The following EYA3 variants were observed in gnomAD, a reference collection of about 807,000 sequenced individuals.
EYA3 encodes the protein EYA transcriptional coactivator and phosphatase 3.
In EYA3, 39 loss-of-function variants were observed where a neutral mutation model predicts 80.0. That is an observed-to-expected ratio of 0.49 (90% CI 0.38 to 0.64). The LOEUF is 0.64. Among genes scored for constraint, EYA3 ranks in the 30% least tolerant of loss-of-function variants. The pLI is 0.00. For missense variants in EYA3, 523 were observed against 676.1 expected (o/e 0.77, Z 2.51); for synonymous variants, 206 against 232.8 (o/e 0.88, Z 1.05).
intron 1 of EYA3, among the ~76,000 whole-genome samples, chr1:28,087,397 T>C (rs916259690): frequency 6.6e-6 from 1 of 152,168 alleles, no homozygotes; most frequent in Admixed American, 6.5e-5. Context: ...TACTTCTAAG[T>C]AATGTAATTC....
At chr1:27,981,104 C>G (rs764872627) in intron 16 of EYA3, among the ~76,000 whole-genome samples, 3 of 152,216 alleles carry the variant, frequency 2.0e-5, no homozygotes, top group Non-Finnish European at 4.4e-5. Flanking sequence ...TGAGAATTCT[C>G]TTTAATGTCC....
intron 16 of EYA3, among the ~76,000 whole-genome samples, chr1:27,979,125 C>T (rs111625560): frequency 0.012 from 1,813 of 152,296 alleles, 34 homozygotes; most frequent in African/African-American, 0.04. Context: ...CTTGGGGCCC[C>T]TGACTCCAAA....
intron 7 of EYA3, among the ~76,000 whole-genome samples, chr1:28,025,046 G>A (rs1482201360): frequency 2.6e-5 from 4 of 152,106 alleles, no homozygotes; most frequent in Non-Finnish European, 5.9e-5. Context: ...TAGTTATGCA[G>A]GGGGAAAGAA....
At chr1:28,059,715 A>ATT (rs1224157714) in intron 1 of EYA3, among the ~76,000 whole-genome samples, 2,062 of 113,532 alleles carry the variant, frequency 0.018, 36 homozygotes, top group Middle Eastern at 0.026. Context: ...CATTTGTTGG[A>ATT]TTTTTTTTTT....
At chr1:27,978,293 T>C in intron 17 of EYA3, 81 bp downstream of exon 17, 1 of 984,430 alleles carries the variant, frequency 1.0e-6, no homozygotes, top group South Asian at 1.5e-5. Context: ...CATAATAGAT[T>C]GCTAAGATTT....
At chr1:27,999,204 C>T (rs888439144) in intron 12 of EYA3, among the ~76,000 whole-genome samples, 1 of 152,242 alleles carries the variant, frequency 6.6e-6, no homozygotes. Context: ...CCTGGCAACT[C>T]ATCCCTCTCC....
chr1:28,019,968 C>CT (rs1242067139), intron 7 of EYA3, among the ~76,000 whole-genome samples: 1 of 152,118 alleles, frequency 6.6e-6, no homozygotes, highest in Non-Finnish European at 1.5e-5. Flanking sequence ...TCCCAAAGTG[C>CT]TGGGATTACA....
At chr1:28,054,577 A>C (rs1458290149) in intron 2 of EYA3, among the ~76,000 whole-genome samples, 1 of 152,236 alleles carries the variant, frequency 6.6e-6, no homozygotes, top group Non-Finnish European at 1.5e-5. Flanking sequence ...CTGAAAAATC[A>C]CAGAGAATAA....
At chr1:28,066,868 C>A (rs894490093) in intron 1 of EYA3, among the ~76,000 whole-genome samples, 1 of 152,064 alleles carries the variant, frequency 6.6e-6, no homozygotes, top group African/African-American at 2.4e-5. Flanking sequence ...AACTCATAAA[C>A]CTGTCAAAGG....
intron 4 of EYA3, among the ~76,000 whole-genome samples, chr1:28,039,305 G>A (rs1463653427): frequency 6.6e-6 from 1 of 152,182 alleles, no homozygotes; most frequent in Non-Finnish European, 1.5e-5. Context: ...TTACTATATT[G>A]AGTAAAAGCC....
rs1306859839 is a variant in EYA3 at position 27,977,956 on chromosome 1, G to A, written c.1641+418C>T. Among the ~76,000 whole-genome samples the A allele has an allele frequency of 3.3e-5, 5 of 152,144 alleles. No homozygotes were observed. In the East Asian group the frequency reaches 7.7e-4, roughly 23 times the overall value. Reference sequence around the variant, plus strand: ...ACAATCTTTCCAGGGCTCAAAGGCAGGAAAGACTTTCTCTACAGAAACAGC... The same window carrying A: ...ACAATCTTTCCAGGGCTCAAAGGCAAGAAAGACTTTCTCTACAGAAACAGC... On this transcript the variant is annotated intron_variant, in intron 17 of 17. Coordinates refer to ENST00000373871, the MANE Select transcript of EYA3 (RefSeq NM_001990.4).
At chr1:28,047,800 G>A (rs1366491231) in intron 3 of EYA3, among the ~76,000 whole-genome samples, 1 of 151,910 alleles carries the variant, frequency 6.6e-6, no homozygotes, top group Non-Finnish European at 1.5e-5. Flanking sequence ...CAACACGCCC[G>A]GTTAATAATT....
intron 12 of EYA3, chr1:27,998,376 T>C (rs540790000): frequency 6.2e-5 from 58 of 940,362 alleles, no homozygotes; most frequent in Non-Finnish European, 7.1e-5. Flanking sequence ...CAAATACAAT[T>C]GGCAATAATT....
chr1:27,983,084 A>C (rs1639421274), intron 16 of EYA3, among the ~76,000 whole-genome samples: 2 of 152,204 alleles, frequency 1.3e-5, no homozygotes, highest in Non-Finnish European at 2.9e-5. Context: ...GAGGTTAGCA[A>C]ACTTTTTCTG....
intron 13 of EYA3, among the ~76,000 whole-genome samples, chr1:27,995,535 G>A (rs571498026): frequency 7.0e-4 from 105 of 150,956 alleles, no homozygotes; most frequent in African/African-American, 2.3e-3. Flanking sequence ...TCAGGAGTTC[G>A]AGACAAGTGT....
intron 16 of EYA3, among the ~76,000 whole-genome samples, chr1:27,982,082 C>T (rs944705462): frequency 1.3e-5 from 2 of 149,750 alleles, no homozygotes; most frequent in Admixed American, 1.3e-4. Flanking sequence ...TCTTGGCTCA[C>T]TGCAACCTCC....
chr1:28,046,901 T>A (rs2148873451), intron 3 of EYA3, among the ~76,000 whole-genome samples: 1 of 151,816 alleles, frequency 6.6e-6, no homozygotes, highest in Non-Finnish European at 1.5e-5. Context: ...AGGATGGAGT[T>A]CAGTGGCGCA....
intron 8 of EYA3, among the ~76,000 whole-genome samples, chr1:28,016,301 G>A (rs1642060506): frequency 6.6e-6 from 1 of 152,128 alleles, no homozygotes; most frequent in Non-Finnish European, 1.5e-5. Flanking sequence ...GCCAAGGCGG[G>A]TGCGGTTCAC....
chr1:28,077,768 T>C (rs1645276246), intron 1 of EYA3, among the ~76,000 whole-genome samples: 2 of 152,236 alleles, frequency 1.3e-5, no homozygotes, highest in African/African-American at 4.8e-5. Context: ...GCAGTTAAAA[T>C]TTCTGAGAAT....
Sources: allele counts gnomAD v4.1 joint callset (sites outside exome capture counted in the v4.1 genomes callset), GRCh38; gene constraint gnomAD v4.1.1; transcripts MANE v1.5; gene names NCBI Gene and HGNC (gene_info 2026-07-23, HGNC 2026-07-21).